Variants in TBC1D10A observed in about 807,000 individuals in gnomAD.
The protein encoded by TBC1D10A is TBC1 domain family member 10A, also known as EBP50-PDX interactor of 64 kDa.
In TBC1D10A, 24 loss-of-function variants were observed where a neutral mutation model predicts 52.9. That is an observed-to-expected ratio of 0.45 (90% CI 0.33 to 0.64). The LOEUF is 0.64. TBC1D10A is among the 30% of genes least tolerant of loss of function. TBC1D10A has a pLI of 0.02. For synonymous variants in TBC1D10A, 278 were observed against 282.9 expected, an observed-to-expected ratio of 0.98 and a Z score of 0.17; for missense variants, 602 against 687.9, an observed-to-expected ratio of 0.88 and a Z score of 1.40.
chr22:30,294,841 T>C lies in TBC1D10A; in HGVS notation c.660A>G (p.Val220=). 1 of 1,613,952 alleles carries C rather than the reference T, an allele frequency of 6.2e-7. No homozygotes were observed. The highest frequency in any genetic ancestry group is 8.5e-7 in the Non-Finnish European group (1 of 1,179,934). The part of the protein sequence containing the change: ...MPAEQAFWCL[V]QICEKYLPGY... The stretch of plus-strand genomic sequence containing the variant: ...CGGGCAGGTACTTCTCACAGATCTG[T>C]ACCAGGCACCAGAAGGCTTGCTGTG... Residue 220 remains valine, a synonymous_variant, in exon 6 of 9, where the codon GTA becomes GTG. Coordinates refer to ENST00000215790, the MANE Select transcript of TBC1D10A (RefSeq NM_031937.3).
intron 1 of TBC1D10A, among the ~76,000 whole-genome samples, chr22:30,324,705 C>A (rs958682991): frequency 6.6e-6 from 1 of 152,198 alleles, no homozygotes; most frequent in African/African-American, 2.4e-5. Flanking sequence ...TTGTGACAAG[C>A]GCTGTGCCAG....
intron 1 of TBC1D10A, among the ~76,000 whole-genome samples, chr22:30,311,738 C>T (rs1930430503): frequency 6.6e-6 from 1 of 152,160 alleles, no homozygotes; most frequent in Non-Finnish European, 1.5e-5. Flanking sequence ...TCCTCTGATG[C>T]ACTCATCTAG....
intron 1 of TBC1D10A, among the ~76,000 whole-genome samples, chr22:30,322,002 G>A (rs1319871109): frequency 1.1e-5 from 1 of 90,282 alleles, no homozygotes; most frequent in African/African-American, 4.2e-5. Flanking sequence ...TTTTTTCTTT[G>A]AGACACGGTC....
intron 1 of TBC1D10A, among the ~76,000 whole-genome samples, chr22:30,309,396 T>C (rs567758504): frequency 3.3e-5 from 5 of 152,262 alleles, no homozygotes; most frequent in Non-Finnish European, 5.9e-5. Context: ...CAGCTAATTT[T>C]TGTATTTTTA....
At chr22:30,302,413 G>A (rs1930218937) in intron 2 of TBC1D10A, among the ~76,000 whole-genome samples, 1 of 152,204 alleles carries the variant, frequency 6.6e-6, no homozygotes, top group South Asian at 2.1e-4. Context: ...CCTAGACATG[G>A]CTGGGAGTCT....
chr22:30,296,066 A>C (rs1447180372), intron 3 of TBC1D10A: 3 of 553,794 alleles, frequency 5.4e-6, no homozygotes, highest in African/African-American at 1.9e-5. Context: ...GAAACCTTAA[A>C]CCTGGCTCTA....
At chr22:30,303,553 C>T (rs1930250820) in intron 2 of TBC1D10A, among the ~76,000 whole-genome samples, 1 of 152,220 alleles carries the variant, frequency 6.6e-6, no homozygotes, top group African/African-American at 2.4e-5. Context: ...CACAGTTAGC[C>T]ACAGGTGTGA....
chr22:30,322,656 G>A (rs977244862), intron 1 of TBC1D10A, among the ~76,000 whole-genome samples: 1 of 116,932 alleles, frequency 8.6e-6, no homozygotes, highest in Non-Finnish European at 1.6e-5. Context: ...GTGTAGTGGC[G>A]TGATTTCAGC....
At chr22:30,310,921 G>A (rs901418554) in intron 1 of TBC1D10A, among the ~76,000 whole-genome samples, 4 of 152,076 alleles carry the variant, frequency 2.6e-5, no homozygotes, top group South Asian at 2.1e-4. Flanking sequence ...GGTGAATAAC[G>A]TGAAAAAAAC....
chr22:30,325,207 G>C (rs956041469), intron 1 of TBC1D10A, among the ~76,000 whole-genome samples: 2 of 152,244 alleles, frequency 1.3e-5, no homozygotes, highest in Admixed American at 6.5e-5. Flanking sequence ...CCTGCTGTGA[G>C]CCAGTAGGGA....
chr22:30,317,145 T>A (rs1397694354), intron 1 of TBC1D10A, among the ~76,000 whole-genome samples: 1 of 152,174 alleles, frequency 6.6e-6, no homozygotes, highest in Non-Finnish European at 1.5e-5. Context: ...TGGTGGCTCA[T>A]GCCTGTAATC....
At chr22:30,322,137 C>T (rs188575960) in intron 1 of TBC1D10A, among the ~76,000 whole-genome samples, 2 of 152,054 alleles carry the variant, frequency 1.3e-5, no homozygotes, top group East Asian at 1.9e-4. Context: ...GAGCCACTAC[C>T]GCCTGGCTAA....
In TBC1D10A at chr22:30,294,829, C is replaced by G; in HGVS notation, c.672G>C (p.Glu224Asp). The change falls in exon 6 of 9, where the codon GAG (glutamate) becomes GAC (aspartate). Residue 224 changes from glutamate (E) to aspartate (D), a missense_variant. By Grantham distance (45) the Glu-to-Asp change is conservative. Around this residue, in one of 3 missense-constraint regions of TBC1D10A, gnomAD observed 136 missense variants for 208.4 expected, o/e 0.65. Transcript: ENST00000215790. ...QAFWCLVQIC[E>D]KYLPGYYSEK... ...CGCTGTAGTAGCCGGGCAGGTACTT[C>G]TCACAGATCTGTACCAGGCACCAGA... 1 of 1,614,158 alleles carries G rather than the reference C, an allele frequency of 6.2e-7. No homozygotes were observed. The highest frequency in any genetic ancestry group is 8.5e-7 in the Non-Finnish European group (1 of 1,180,026).
At chr22:30,321,103 G>A (rs368321678) in intron 1 of TBC1D10A, among the ~76,000 whole-genome samples, 12 of 152,314 alleles carry the variant, frequency 7.9e-5, no homozygotes, top group Admixed American at 2.6e-4. Flanking sequence ...CCCAGCAGGC[G>A]GACACTCAGG....
intron 4 of TBC1D10A, 112 bp downstream of exon 4, chr22:30,295,625 G>A (rs1569159179): frequency 1.0e-6 from 1 of 991,098 alleles, no homozygotes; most frequent in Non-Finnish European, 1.6e-6. Flanking sequence ...AATGCTAAGA[G>A]TGGAGTTGGG....
intron 1 of TBC1D10A, among the ~76,000 whole-genome samples, chr22:30,316,134 A>C (rs991552732): frequency 2.0e-5 from 3 of 152,202 alleles, no homozygotes; most frequent in African/African-American, 7.2e-5. Context: ...AGATAAATCA[A>C]AGCATCCCTT....
intron 1 of TBC1D10A, among the ~76,000 whole-genome samples, chr22:30,320,290 T>C (rs1052740022): frequency 6.6e-6 from 1 of 152,066 alleles, no homozygotes; most frequent in Admixed American, 6.5e-5. Flanking sequence ...TCCCTGTGCC[T>C]TTCTCCTGCT....
chr22:30,323,368 A>G (rs1045550320), intron 1 of TBC1D10A, among the ~76,000 whole-genome samples: 1 of 152,232 alleles, frequency 6.6e-6, no homozygotes, highest in East Asian at 1.9e-4. Context: ...GGCCACTTCT[A>G]TTAGCCTCAT....
At chr22:30,303,417 G>A (rs1261663233) in intron 2 of TBC1D10A, among the ~76,000 whole-genome samples, 1 of 152,220 alleles carries the variant, frequency 6.6e-6, no homozygotes, top group Admixed American at 6.5e-5. Flanking sequence ...ATAGCACAGG[G>A]CTTCACCATC....
Sources: allele counts gnomAD v4.1 joint callset (sites outside exome capture counted in the v4.1 genomes callset), GRCh38; gene constraint gnomAD v4.1.1; regional missense constraint gnomAD v4.1.1; transcripts MANE v1.5; gene names NCBI Gene and HGNC (gene_info 2026-07-23, HGNC 2026-07-21).